Variants in N4BP2 observed in about 807,000 individuals in gnomAD.
N4BP2 encodes NEDD4 binding protein 2, also known as NEDD4-binding protein 2.
Under a neutral mutation model 152.8 loss-of-function variants are expected in N4BP2, and 91 were observed. That is an observed-to-expected ratio of 0.60 (90% CI 0.50 to 0.71). The LOEUF (loss-of-function observed/expected upper bound fraction) is 0.71, where lower values mean the gene tolerates loss of function less well. N4BP2 is among the 30% of genes least tolerant of loss of function. N4BP2 has a pLI of 0.00. For missense variants in N4BP2, 1,923 were observed against 2,059.1 expected (o/e 0.93, Z 1.28); for synonymous variants, 646 against 705.3 (o/e 0.92, Z 1.33).
At chr4:40,059,773 A>G (rs1733511297) in intron 1 of N4BP2, among the ~76,000 whole-genome samples, 1 of 152,188 alleles carries the variant, frequency 6.6e-6, no homozygotes, top group Non-Finnish European at 1.5e-5. Flanking sequence ...ATGTGTATGT[A>G]CACACACATG....
chr4:40,135,264 C>T (rs1181668663), intron 13 of N4BP2, among the ~76,000 whole-genome samples: 1 of 151,692 alleles, frequency 6.6e-6, no homozygotes. Context: ...CATGTCCCTA[C>T]AAAGGACATG....
chr4:40,064,855 C>T (rs758557271), intron 1 of N4BP2, among the ~76,000 whole-genome samples: 9 of 149,894 alleles, frequency 6.0e-5, no homozygotes, highest in East Asian at 2.0e-4. Flanking sequence ...CTGCAACCTC[C>T]GCCTCCCAGG....
chr4:40,144,574 C>G lies in N4BP2; in HGVS notation c.4975-58C>G, dbSNP rs1720332958. 2.9e-6 allele frequency: 4 copies of G among 1,387,106 alleles called. No homozygotes were observed. The South Asian group carries it at 6.0e-5, about 21-fold the overall frequency. The allele number at this position is 1,387,106 out of a possible 1,614,324, so 85.9% of individuals were successfully genotyped here. A position where few individuals can be genotyped will look rare whatever the true frequency, so the allele number is the denominator to read the frequency against. Reference sequence around the variant, plus strand: ...TTTTATTTGGGGCACTATTAACTTCCTCATCACCCAAGTAGCAAACAGCAA... The same window carrying G: ...TTTTATTTGGGGCACTATTAACTTCGTCATCACCCAAGTAGCAAACAGCAA... On this transcript the variant is annotated intron_variant, in intron 15 of 17. Coordinates refer to ENST00000261435, the MANE Select transcript of N4BP2 (RefSeq NM_018177.6).
chr4:40,089,201 C>A (rs376163835), intron 2 of N4BP2, among the ~76,000 whole-genome samples: 4 of 151,426 alleles, frequency 2.6e-5, no homozygotes, highest in Non-Finnish European at 5.9e-5. Flanking sequence ...GGATTCCCCC[C>A]CTCTTCAGCC....
At chr4:40,180,007 G>A in the N4BP2 span, among the ~76,000 whole-genome samples, 4 of 152,038 alleles carry the variant, frequency 2.6e-5, no homozygotes, top group East Asian at 3.9e-4. Flanking sequence ...CAGGTGATCC[G>A]CCCACCTCGG....
rs183476442 is a variant in N4BP2 at position 40,071,918 on chromosome 4, A to G, written c.-211-1537A>G. On this transcript the variant is annotated intron_variant, in intron 1 of 17. Transcript: ENST00000261435. ...TTATTTTATTTTATTTTATTTTTTG[A>G]CTTTTTGGAGACAGAGACTCACTCT... is the stretch of plus-strand genomic sequence containing the variant. 6.1e-5 allele frequency among the ~76,000 whole-genome samples: 9 copies of G among 147,628 alleles called. No homozygotes were observed. The East Asian group carries it at 1.7e-3, about 27-fold the overall frequency.
At position 40,120,520 on chromosome 4, in the gene N4BP2, G is replaced by A; in HGVS notation, c.2409G>A (p.Arg803=). 1 of 1,613,326 alleles carries A rather than the reference G, an allele frequency of 6.2e-7. No homozygotes were observed. The highest frequency in any genetic ancestry group is 1.3e-5 in the African/African-American group (1 of 74,876). ...VDKTIGQRTK[R]NRKTEKTSSV... ...AGACTATTGGTCAGAGGACAAAAAG[G>A]AACAGAAAAACTGAAAAAACTTCAT... Residue 803 remains arginine, a synonymous_variant, in exon 9 of 18, where the codon AGG becomes AGA. Transcript: ENST00000261435.
intron 7 of N4BP2, among the ~76,000 whole-genome samples, chr4:40,115,514 C>A (rs1185566762): frequency 3.3e-5 from 5 of 152,076 alleles, no homozygotes; most frequent in African/African-American, 1.2e-4. Context: ...ATAAAATTTT[C>A]ATATGTATTA....
chr4:40,146,943 T>G (rs1720588706), intron 16 of N4BP2, among the ~76,000 whole-genome samples: 1 of 149,736 alleles, frequency 6.7e-6, no homozygotes, highest in South Asian at 2.1e-4. Context: ...TGATCATTCT[T>G]GGGTGTTTCT....
At chr4:40,133,246 T>C (rs1179511194) in intron 13 of N4BP2, among the ~76,000 whole-genome samples, 1 of 152,200 alleles carries the variant, frequency 6.6e-6, no homozygotes, top group Non-Finnish European at 1.5e-5. Flanking sequence ...TATGAATTTT[T>C]CTCTATATGT....
chr4:40,182,934 C>A, the N4BP2 span, among the ~76,000 whole-genome samples: 3 of 152,170 alleles, frequency 2.0e-5, no homozygotes, highest in South Asian at 6.2e-4. Flanking sequence ...ACCTCAGCCT[C>A]CCAATGTGCT....
At position 40,121,046 on chromosome 4, in the gene N4BP2, T is replaced by C; in HGVS notation, c.2935T>C (p.Phe979Leu). The change falls in exon 9 of 18, where the codon TTT (phenylalanine) becomes CTT (leucine). Residue 979 changes from phenylalanine to leucine, a missense_variant. Physicochemically the swap from Phe to Leu is conservative, Grantham distance 22 (BLOSUM62 0). Coordinates refer to ENST00000261435, the MANE Select transcript of N4BP2 (RefSeq NM_018177.6). ...HGQHTSLPLT[F>L]TNSAPTVSGV... ...GCAACACACATCGTTGCCTCTTACT[T>C]TTACCAATAGTGCACCAACTGTTTC... The C allele has an allele frequency of 6.2e-7, 1 of 1,613,996 alleles. No homozygotes were observed. The highest frequency in any genetic ancestry group is 8.5e-7 in the Non-Finnish European group (1 of 1,179,988).
chr4:40,183,853 C>T, the N4BP2 span, among the ~76,000 whole-genome samples: 1 of 152,154 alleles, frequency 6.6e-6, no homozygotes, highest in Non-Finnish European at 1.5e-5. Context: ...CTTTGCTTGT[C>T]CTCAGGGCTG....
chr4:40,146,187 A>C (rs1308381712), intron 16 of N4BP2, among the ~76,000 whole-genome samples: 1 of 151,852 alleles, frequency 6.6e-6, no homozygotes, highest in African/African-American at 2.4e-5. Flanking sequence ...AAATAAATAA[A>C]TAAAATAAAA....
chr4:40,171,470 T>C, the N4BP2 span, among the ~76,000 whole-genome samples: 3 of 152,228 alleles, frequency 2.0e-5, no homozygotes, highest in East Asian at 5.8e-4. Context: ...GGTTCAGCTT[T>C]GGATCATCCC....
In N4BP2 at chr4:40,117,859, G is replaced by C; in HGVS notation, c.1665-10G>C. ...ATTCCTTCAACCCTTTTTTCCCCTG[G>C]AATTTTCAGGCGTAACATTCATGGG... On this transcript the variant is annotated splice_polypyrimidine_tract_variant and intron_variant, in intron 7 of 17. Coordinates refer to ENST00000261435, the MANE Select transcript of N4BP2 (RefSeq NM_018177.6). 6.3e-7 allele frequency: 1 copy of C among 1,580,410 alleles called. No homozygotes were observed. Among genetic ancestry groups the C allele is most frequent in the Non-Finnish European group, 8.6e-7 (1 of 1,165,834 alleles).
At chr4:40,168,233 GTGATTAT>G in the N4BP2 span, among the ~76,000 whole-genome samples, 1 of 152,122 alleles carries the variant, frequency 6.6e-6, no homozygotes, top group Non-Finnish European at 1.5e-5. Context: ...AAGAATATCA[GTGATTAT>G]ATTAAATGTA....
intron 16 of N4BP2, among the ~76,000 whole-genome samples, chr4:40,148,858 T>A (rs1268955683): frequency 5.3e-5 from 8 of 152,182 alleles, no homozygotes; most frequent in East Asian, 3.9e-4. Context: ...CACATTTTTT[T>A]ATCAATTTAT....
At chr4:40,085,977 T>C (rs1401719921) in intron 2 of N4BP2, among the ~76,000 whole-genome samples, 2 of 151,876 alleles carry the variant, frequency 1.3e-5, no homozygotes, top group African/African-American at 4.8e-5. Context: ...TTTTTTGTTT[T>C]TTTTTGAGAC....
Sources: gnomAD v4.1 joint callset for allele counts (sites outside exome capture counted in the v4.1 genomes callset) on GRCh38, gnomAD v4.1.1 for gene constraint, MANE v1.5 for transcripts, NCBI Gene and HGNC (gene_info 2026-07-23, HGNC 2026-07-21) for gene names.